GBF1: variants seen among roughly 807,000 people sequenced by gnomAD.
GBF1 encodes golgi brefeldin A resistant guanine nucleotide exchange factor 1, also known as Golgi-specific brefeldin A-resistance guanine nucleotide exchange factor 1.
GBF1 carries 114 observed loss-of-function variants against 210.5 expected under a neutral mutation model. The observed-to-expected ratio is 0.54, with a 90% confidence interval of 0.47 to 0.63. GBF1 has a LOEUF of 0.63. Among genes scored for constraint, GBF1 ranks in the 30% least tolerant of loss-of-function variants. GBF1 has a pLI of 0.00. For missense variants in GBF1, 1,851 were observed against 2,357.7 expected, an observed-to-expected ratio of 0.79 and a Z score of 4.45; for synonymous variants, 850 against 889.2, an observed-to-expected ratio of 0.96 and a Z score of 0.78.
chr10:102,342,379 TCACACACACGCACACA>T (rs1215299927), intron 3 of GBF1, among the ~76,000 whole-genome samples: 2 of 149,720 alleles, frequency 1.3e-5, no homozygotes, highest in Non-Finnish European at 3.0e-5. Context: ...TTTCAGTTTT[TCACACACACGCACACA>T]CACACACACA....
At chr10:102,361,958 G>C in intron 14 of GBF1, 46 bp downstream of exon 14, 1 of 1,192,438 alleles carries the variant, frequency 8.4e-7, no homozygotes, top group Non-Finnish European at 1.2e-6. Flanking sequence ...GCATTATAAA[G>C]GAAATCTCCC....
At chr10:102,268,668 T>G (rs2074110999) in intron 3 of GBF1, among the ~76,000 whole-genome samples, 1 of 152,102 alleles carries the variant, frequency 6.6e-6, no homozygotes, top group African/African-American at 2.4e-5. Context: ...GCCAAAAGGG[T>G]TTCAGAAGAA....
At chr10:102,338,908 T>TA (rs1349470558) in intron 3 of GBF1, among the ~76,000 whole-genome samples, 1 of 152,162 alleles carries the variant, frequency 6.6e-6, no homozygotes, top group East Asian at 1.9e-4. Context: ...ATAGCAAAGA[T>TA]ATCATGTCTC....
At chr10:102,381,930 T>C (rs921791415) in intron 39 of GBF1, 126 bp from the exon 40 acceptor site, 1 of 662,752 alleles carries the variant, frequency 1.5e-6, no homozygotes, top group Non-Finnish European at 2.4e-6. Flanking sequence ...TTTAGGCTGG[T>C]GGGGGGCCGT....
the GBF1 span, chr10:102,230,809 G>A: frequency 6.4e-7 from 1 of 1,558,252 alleles, no homozygotes; most frequent in Non-Finnish European, 8.7e-7. Flanking sequence ...GGTGCCCGGG[G>A]CAGCCGCGGC....
chr10:102,352,694 G>A (rs981042314), intron 7 of GBF1, among the ~76,000 whole-genome samples, 176 bp downstream of exon 7: 5 of 152,132 alleles, frequency 3.3e-5, no homozygotes, highest in South Asian at 2.1e-4. Flanking sequence ...GAAGGAGGAG[G>A]GAGCTGATTT....
At chr10:102,286,569 T>C (rs972951763) in intron 3 of GBF1, among the ~76,000 whole-genome samples, 11 of 152,238 alleles carry the variant, frequency 7.2e-5, no homozygotes, top group Admixed American at 1.3e-4. Flanking sequence ...CAAAGGTTTG[T>C]TATACATCAG....
chr10:102,371,844 G>A (rs917121478), intron 29 of GBF1, among the ~76,000 whole-genome samples: 4 of 151,336 alleles, frequency 2.6e-5, no homozygotes, highest in South Asian at 2.1e-4. Context: ...CAGGAGAATC[G>A]CTTGAACTCA....
intron 1 of GBF1, among the ~76,000 whole-genome samples, chr10:102,249,199 A>C (rs1446491515): frequency 6.6e-6 from 1 of 152,198 alleles, no homozygotes; most frequent in Admixed American, 6.5e-5. Context: ...TATGAGACTT[A>C]ATCACTGCAG....
chr10:102,288,946 C>CA (rs1032802796), intron 3 of GBF1, among the ~76,000 whole-genome samples: 2 of 151,654 alleles, frequency 1.3e-5, no homozygotes, highest in East Asian at 3.9e-4. Context: ...ACTGAAAATA[C>CA]AAAAAAATTA....
At chr10:102,288,920 G>A (rs1306763302) in intron 3 of GBF1, among the ~76,000 whole-genome samples, 1 of 151,982 alleles carries the variant, frequency 6.6e-6, no homozygotes, top group Non-Finnish European at 1.5e-5. Flanking sequence ...GGCTAACACA[G>A]TGAAACCCCA....
intron 38 of GBF1, 65 bp from the exon 39 acceptor site, chr10:102,381,062 A>C: frequency 6.6e-7 from 1 of 1,518,834 alleles, no homozygotes; most frequent in Middle Eastern, 1.8e-4. Flanking sequence ...GCTGTTGGGT[A>C]GCTAGGGCTC....
In GBF1 at chr10:102,369,283, T is replaced by A; in HGVS notation, c.3046T>A (p.Leu1016Met). The change falls in exon 24 of 40, where the codon TTG (leucine) becomes ATG (methionine). Residue 1016 changes from leucine (L) to methionine (M), a missense_variant. This residue lies in a region of GBF1 where 967 missense variants were observed against 1,247.7 expected (regional missense o/e 0.78). Coordinates refer to ENST00000369983, the MANE Select transcript of GBF1 (RefSeq NM_001377137.1). ...TATTGCAGCCAAGACAGTATTCCAT[T>A]TGGCCCATCGTCATGGTGACATCCT... ...AHIAAKTVFH[L>M]AHRHGDILRE... 1 of 1,613,788 alleles carries A rather than the reference T, an allele frequency of 6.2e-7. No individual in the cohort carries two copies. Among genetic ancestry groups the A allele is most frequent in the Non-Finnish European group, 8.5e-7 (1 of 1,179,656 alleles).
At chr10:102,340,342 C>T (rs1425259939) in intron 3 of GBF1, among the ~76,000 whole-genome samples, 3 of 148,610 alleles carry the variant, frequency 2.0e-5, no homozygotes, top group South Asian at 2.2e-4. Flanking sequence ...GCACGATCTC[C>T]GCTCACTGCA....
intron 1 of GBF1, among the ~76,000 whole-genome samples, chr10:102,248,488 CAT>C (rs1203767649): frequency 6.6e-6 from 1 of 152,058 alleles, no homozygotes; most frequent in Non-Finnish European, 1.5e-5. Context: ...GTTTGCCAAT[CAT>C]ATAAACCAGG....
intron 3 of GBF1, among the ~76,000 whole-genome samples, chr10:102,307,353 A>G (rs2077980599): frequency 6.6e-6 from 1 of 152,038 alleles, no homozygotes; most frequent in Non-Finnish European, 1.5e-5. Flanking sequence ...TTTTTTAACT[A>G]CAGAATGATA....
At chr10:102,276,994 GCA>G (rs1158407794) in intron 3 of GBF1, among the ~76,000 whole-genome samples, 2 of 145,914 alleles carry the variant, frequency 1.4e-5, no homozygotes, top group African/African-American at 5.0e-5. Flanking sequence ...ACACACACAT[GCA>G]CACACGTATG....
intron 3 of GBF1, among the ~76,000 whole-genome samples, chr10:102,317,359 C>T (rs2055909221): frequency 6.6e-6 from 1 of 152,216 alleles, no homozygotes; most frequent in Admixed American, 6.5e-5. Context: ...TGGCTCATGC[C>T]TGTAATCCCA....
chr10:102,326,507 A>G (rs2056913806), intron 3 of GBF1, among the ~76,000 whole-genome samples: 1 of 152,050 alleles, frequency 6.6e-6, no homozygotes, highest in East Asian at 1.9e-4. Flanking sequence ...CCAAGCCCCC[A>G]TCTGGCTTTC....
Sources: allele counts gnomAD v4.1 joint callset (sites outside exome capture counted in the v4.1 genomes callset), GRCh38; gene constraint gnomAD v4.1.1; regional missense constraint gnomAD v4.1.1; transcripts MANE v1.5; gene names NCBI Gene and HGNC (gene_info 2026-07-23, HGNC 2026-07-21).